Variants in USP28 observed in about 807,000 individuals in gnomAD.
USP28 encodes ubiquitin carboxyl-terminal hydrolase 28.
USP28 carries 113 observed loss-of-function variants against 145.0 expected under a neutral mutation model. The ratio of observed to expected loss-of-function variants is 0.78; its 90% CI spans 0.67 to 0.91. The LOEUF (loss-of-function observed/expected upper bound fraction) is 0.91. Among genes scored for constraint, USP28 ranks in the 40% least tolerant of loss-of-function variants. The probability of loss-of-function intolerance (pLI) is 0.00; values close to 1 mark genes in which losing one functional copy is unlikely to be tolerated. For synonymous variants in USP28, 447 were observed against 450.9 expected (o/e 0.99, Z 0.11); for missense variants, 1,201 against 1,289.6 (o/e 0.93, Z 1.05).
chr11:113,804,146 G>C lies in USP28; in HGVS notation c.2659-269C>G, dbSNP rs542474401. On this transcript the variant is annotated intron_variant, in intron 21 of 24. Transcript: ENST00000003302. ...TCGGATTTTATCCTAATTTCTAACA[G>C]CTATGTAAAAGATATTCAGCTCTAG... is the stretch of plus-strand genomic sequence containing the variant. 7.0e-4 allele frequency among the ~76,000 whole-genome samples: 107 copies of C among 152,270 alleles called. 1 individual carries two copies. Among genetic ancestry groups the C allele is most frequent in the South Asian group, 4.1e-3 (20 of 4,830 alleles).
intron 1 of USP28, among the ~76,000 whole-genome samples, chr11:113,865,080 TC>T (rs923635530): frequency 6.6e-6 from 1 of 151,884 alleles, no homozygotes; most frequent in African/African-American, 2.4e-5. Flanking sequence ...GGTCAAGCAA[TC>T]CCCCCCGTCT....
intron 11 of USP28, among the ~76,000 whole-genome samples, chr11:113,825,307 C>T (rs1054385253): frequency 6.6e-6 from 1 of 152,028 alleles, no homozygotes; most frequent in African/African-American, 2.4e-5. Context: ...ATAAGATATT[C>T]CCACACACCC....
chr11:113,801,660 C>T, exon 24 of USP28: 1 of 1,579,342 alleles, frequency 6.3e-7, no homozygotes, highest in Non-Finnish European at 8.7e-7. Flanking sequence ...AAAAGAGAAG[C>T]TGCTTTGGCA....
At chr11:113,845,717 G>A (rs535077166) in intron 3 of USP28, among the ~76,000 whole-genome samples, 1 of 152,254 alleles carries the variant, frequency 6.6e-6, no homozygotes, top group Admixed American at 6.5e-5. Context: ...TGGGACTACA[G>A]GCATACACCA....
intron 9 of USP28, among the ~76,000 whole-genome samples, chr11:113,829,968 A>G (rs1565406826): frequency 6.6e-6 from 1 of 152,210 alleles, no homozygotes; most frequent in African/African-American, 2.4e-5. Flanking sequence ...CTACCAATTT[A>G]TAAGAGGAGG....
At chr11:113,874,458 A>G in intron 1 of USP28, 1 of 726,422 alleles carries the variant, frequency 1.4e-6, no homozygotes, top group Non-Finnish European at 1.9e-6. Flanking sequence ...AAGTGTCTCC[A>G]TGCTAAATAC....
At chr11:113,840,678 T>G (rs1945094655) in exon 5 of USP28, 13 of 1,614,242 alleles carry the variant, frequency 8.1e-6, no homozygotes, top group Non-Finnish European at 1.1e-5. Flanking sequence ...CTCCAGTCAT[T>G]GGGATTGGGG....
At chr11:113,859,070 G>A (rs1947369057) in intron 1 of USP28, among the ~76,000 whole-genome samples, 1 of 151,852 alleles carries the variant, frequency 6.6e-6, no homozygotes. Flanking sequence ...TGGAAATGGG[G>A]GTCTCGCTAT....
In USP28 at chr11:113,799,257, T is replaced by C. The variant is rs74516960; in HGVS notation, c.3217A>G (p.Thr1073Ala). ...GTGGGAGCTTATTTCACTGTCACAGTTGAAACTCCCTGAATTGACTCCATG... is the reference window on the plus strand; with the variant it reads ...GTGGGAGCTTATTTCACTGTCACAGCTGAAACTCCCTGAATTGACTCCATG... Residue 1073 changes from threonine to alanine, a missense_variant, in exon 25 of 25, where the codon ACT (threonine) becomes GCT (alanine). Transcript: ENST00000003302. The C allele has an allele frequency of 3.2e-3, 5,197 of 1,613,266 alleles. 98 individuals carry two copies. Among genetic ancestry groups the C allele is most frequent in the East Asian group, 0.022 (1,006 of 44,870 alleles).
intron 13 of USP28, among the ~76,000 whole-genome samples, chr11:113,816,116 G>T (rs1345331564): frequency 6.6e-6 from 1 of 152,118 alleles, no homozygotes; most frequent in Non-Finnish European, 1.5e-5. Context: ...TAAAACTGCA[G>T]GTCAACAAAC....
intron 16 of USP28, among the ~76,000 whole-genome samples, chr11:113,810,978 G>C (rs752405462): frequency 2.0e-5 from 3 of 152,140 alleles, no homozygotes; most frequent in Non-Finnish European, 2.9e-5. Context: ...CCGGGGCGAT[G>C]TTTCCTTACT....
chr11:113,863,355 C>A (rs1331635672), intron 1 of USP28, among the ~76,000 whole-genome samples: 1 of 152,052 alleles, frequency 6.6e-6, no homozygotes, highest in African/African-American at 2.4e-5. Context: ...CGCAGTGGGT[C>A]ACTGCTGAGG....
chr11:113,851,439 A>C (rs1020346636), intron 3 of USP28, among the ~76,000 whole-genome samples: 2 of 152,048 alleles, frequency 1.3e-5, no homozygotes, highest in Non-Finnish European at 2.9e-5. Context: ...TGAGCAAGCC[A>C]AGGTGCACTC....
At chr11:113,843,960 C>CA (rs1434490625) in intron 3 of USP28, among the ~76,000 whole-genome samples, 2 of 151,984 alleles carry the variant, frequency 1.3e-5, no homozygotes, top group Non-Finnish European at 2.9e-5. Context: ...GCCCCACATA[C>CA]AAAAATTAAG....
chr11:113,825,894 C>G lies in USP28; in HGVS notation c.1187+1339G>C, dbSNP rs566229611. ...AAAACCTTTTGGGTGCTGGAATGCC[C>G]TACATATTGACTGTGATGGTAGTTT... On this transcript the variant is annotated intron_variant, in intron 11 of 24. Coordinates refer to ENST00000003302, the Ensembl canonical transcript of USP28. 6.6e-5 allele frequency among the ~76,000 whole-genome samples: 10 copies of G among 152,248 alleles called. No homozygotes were observed. The South Asian group carries it at 2.1e-3, about 32-fold the overall frequency.
chr11:113,815,028 G>A (rs1941509828), intron 14 of USP28, 146 bp downstream of exon 14: 3 of 742,162 alleles, frequency 4.0e-6, no homozygotes, highest in African/African-American at 1.8e-5. Context: ...CTCCAGCCTG[G>A]GTGATAGAGT....
At chr11:113,807,548 C>A (rs1176923879) in intron 18 of USP28, among the ~76,000 whole-genome samples, 3 of 152,232 alleles carry the variant, frequency 2.0e-5, no homozygotes, top group Admixed American at 1.3e-4. Flanking sequence ...TAACTTCAAT[C>A]CACATTTGTT....
exon 1 of USP28, chr11:113,875,448 G>T: frequency 8.0e-7 from 1 of 1,250,008 alleles, no homozygotes; most frequent in Non-Finnish European, 1.0e-6. Context: ...AGCCCACCGA[G>T]CCGTGGCCGT....
At chr11:113,801,114 G>C (rs1399572364) in intron 24 of USP28, among the ~76,000 whole-genome samples, 1 of 152,168 alleles carries the variant, frequency 6.6e-6, no homozygotes, top group African/African-American at 2.4e-5. Context: ...AAAGTGCTGG[G>C]ATTACAGGTG....
Sources: gnomAD v4.1 joint callset for allele counts (sites outside exome capture counted in the v4.1 genomes callset) on GRCh38, gnomAD v4.1.1 for gene constraint, MANE v1.5 for transcripts, NCBI Gene and HGNC (gene_info 2026-07-23, HGNC 2026-07-21) for gene names.